CAST: variants seen among roughly 807,000 people sequenced by gnomAD.
CAST encodes calpastatin.
Under a neutral mutation model 119.6 loss-of-function variants are expected in CAST, and 76 were observed. That is an observed-to-expected ratio of 0.64 (90% CI 0.53 to 0.77). The LOEUF (loss-of-function observed/expected upper bound fraction) is 0.77, where lower values mean the gene tolerates loss of function less well. CAST is among the 30% of genes least tolerant of loss of function. The pLI is 0.00. For missense variants in CAST, 953 were observed against 946.5 expected (o/e 1.01, Z -0.09); for synonymous variants, 319 against 331.6 (o/e 0.96, Z 0.41).
the CAST span, among the ~76,000 whole-genome samples, chr5:96,234,658 G>T: frequency 2.6e-5 from 4 of 152,138 alleles, no homozygotes; most frequent in Non-Finnish European, 5.9e-5. Flanking sequence ...TATGCAGAAA[G>T]AAAAGGGAAA....
the CAST span, among the ~76,000 whole-genome samples, chr5:95,968,788 C>T: frequency 7.9e-5 from 12 of 152,210 alleles, no homozygotes; most frequent in Admixed American, 7.2e-4. Flanking sequence ...GGAACGTTTG[C>T]TTTTGCCTTG....
chr5:96,425,784 A>G, the CAST span: 1 of 1,158,464 alleles, frequency 8.6e-7, no homozygotes, highest in Non-Finnish European at 1.3e-6. Flanking sequence ...GCCAGGTCCC[A>G]GGTCCCACCC....
At chr5:96,481,685 C>T in the CAST span, among the ~76,000 whole-genome samples, 2 of 152,166 alleles carry the variant, frequency 1.3e-5, no homozygotes, top group African/African-American at 2.4e-5. Context: ...ACAACTTTCT[C>T]ATCTGGAGAA....
the CAST span, among the ~76,000 whole-genome samples, chr5:96,064,851 C>T: frequency 2.6e-5 from 4 of 152,186 alleles, no homozygotes; most frequent in South Asian, 6.2e-4. Flanking sequence ...AACATTTATG[C>T]TACTATATTA....
chr5:96,620,971 T>A (rs1431278500), intron 1 of CAST, among the ~76,000 whole-genome samples: 1 of 152,244 alleles, frequency 6.6e-6, no homozygotes. Context: ...TTAGTACCCT[T>A]GTTTTGTAAA....
the CAST span, among the ~76,000 whole-genome samples, chr5:96,123,895 CT>C: frequency 1.3e-5 from 2 of 152,052 alleles, no homozygotes; most frequent in African/African-American, 4.8e-5. Context: ...TTTTTTCCCC[CT>C]GCTTTGCCTA....
chr5:96,386,422 A>G, the CAST span, among the ~76,000 whole-genome samples: 2 of 152,204 alleles, frequency 1.3e-5, no homozygotes, highest in African/African-American at 4.8e-5. Context: ...CCAATGTGGC[A>G]TTAGGAAAGG....
At chr5:96,616,456 G>C (rs1226429714) in intron 1 of CAST, among the ~76,000 whole-genome samples, 1 of 152,174 alleles carries the variant, frequency 6.6e-6, no homozygotes, top group Non-Finnish European at 1.5e-5. Context: ...CCAGCCTCAT[G>C]TATGGCCACC....
At position 96,548,620 on chromosome 5, in the gene CAST, A is replaced by G. The variant is rs1450331791; in HGVS notation, c.60+18740A>G. Among the ~76,000 whole-genome samples, 3 of 152,150 alleles carry G rather than the reference A, an allele frequency of 2.0e-5. 1 individual carries two copies. The highest frequency in any genetic ancestry group is 4.2e-4 in the South Asian group (2 of 4,812). ...TCCTCACTGAAATCAGGAAACTCCT[A>G]TTTCAAATCAAAACCCCCAATGACA... is the stretch of plus-strand genomic sequence containing the variant. On this transcript the variant is annotated intron_variant, in intron 1 of 11. Coordinates refer to the CAST transcript ENST00000505143.
At chr5:96,054,130 A>T in the CAST span, among the ~76,000 whole-genome samples, 2 of 152,034 alleles carry the variant, frequency 1.3e-5, no homozygotes, top group Admixed American at 1.3e-4. Flanking sequence ...TTGTTGTTTT[A>T]TTATTGCTGT....
chr5:96,414,290 A>G, the CAST span, among the ~76,000 whole-genome samples: 1 of 152,170 alleles, frequency 6.6e-6, no homozygotes, highest in Non-Finnish European at 1.5e-5. Flanking sequence ...TGCAGCCACC[A>G]ATCCACAGGC....
the CAST span, among the ~76,000 whole-genome samples, chr5:96,436,613 CAT>C: frequency 1.3e-5 from 2 of 152,098 alleles, no homozygotes; most frequent in Non-Finnish European, 2.9e-5. Context: ...ATTTTCTTGA[CAT>C]ATTTATCATT....
the CAST span, among the ~76,000 whole-genome samples, chr5:96,284,184 A>G: frequency 3.9e-5 from 6 of 152,218 alleles, no homozygotes; most frequent in African/African-American, 1.2e-4. Context: ...GTATCCTTAC[A>G]AAAATGTTTT....
the CAST span, among the ~76,000 whole-genome samples, chr5:96,273,937 C>T: frequency 1.3e-5 from 2 of 152,040 alleles, no homozygotes; most frequent in African/African-American, 2.4e-5. Flanking sequence ...AAGGCTTTGC[C>T]GTTTTGGAGT....
At chr5:96,768,739 T>G (rs2150760047) in intron 29 of CAST, among the ~76,000 whole-genome samples, 1 of 152,326 alleles carries the variant, frequency 6.6e-6, no homozygotes, top group South Asian at 2.1e-4. Flanking sequence ...TCCCCTTTTC[T>G]GTCTGCTTAG....
chr5:96,516,474 A>T, the CAST span, among the ~76,000 whole-genome samples: 2 of 152,184 alleles, frequency 1.3e-5, no homozygotes, highest in Admixed American at 6.5e-5. Flanking sequence ...TTTGACATCC[A>T]TTCTCATTTA....
chr5:96,148,881 C>A, the CAST span, among the ~76,000 whole-genome samples: 1 of 152,196 alleles, frequency 6.6e-6, no homozygotes, highest in South Asian at 2.1e-4. Flanking sequence ...TGACCTTGGT[C>A]ACGTCACTTA....
intron 3 of CAST, among the ~76,000 whole-genome samples, chr5:96,706,332 T>C (rs1174988977): frequency 6.6e-6 from 1 of 152,212 alleles, no homozygotes; most frequent in African/African-American, 2.4e-5. Flanking sequence ...TCCCTGGAGT[T>C]TCTGCAATTG....
the CAST span, among the ~76,000 whole-genome samples, chr5:96,218,126 T>C: frequency 2.1e-3 from 322 of 152,330 alleles, 3 homozygotes; most frequent in African/African-American, 7.4e-3. Context: ...AGGTTTTGCA[T>C]GGGTTCAAAT....
Sources: gnomAD v4.1 joint callset for allele counts (sites outside exome capture counted in the v4.1 genomes callset) on GRCh38, gnomAD v4.1.1 for gene constraint, MANE v1.5 for transcripts, NCBI Gene and HGNC (gene_info 2026-07-23, HGNC 2026-07-21) for gene names.